The following PSMD1 variants were observed in gnomAD, a reference collection of about 807,000 sequenced individuals.
The protein encoded by PSMD1 is proteasome 26S subunit, non-ATPase 1.
Under a neutral mutation model 119.0 loss-of-function variants are expected in PSMD1, and 18 were observed. The ratio of observed to expected loss-of-function variants is 0.15; its 90% CI spans 0.10 to 0.22. PSMD1 has a LOEUF of 0.22. Among genes scored for constraint, PSMD1 ranks in the 10% least tolerant of loss-of-function variants. The pLI, the probability that PSMD1 is intolerant of heterozygous loss-of-function variation, is 1.00. For synonymous variants in PSMD1, 374 were observed against 396.6 expected (o/e 0.94, Z 0.68); for missense variants, 702 against 1,158.5 (o/e 0.61, Z 5.72).
chr2:231,108,441 T>A, intron 16 of PSMD1: 1 of 1,028,640 alleles, frequency 9.7e-7, no homozygotes, highest in Non-Finnish European at 1.5e-6. Context: ...ATTCTTTATA[T>A]AATATATTCT....
intron 19 of PSMD1, among the ~76,000 whole-genome samples, chr2:231,161,107 G>C (rs920081555): frequency 6.6e-6 from 1 of 152,036 alleles, no homozygotes; most frequent in African/African-American, 2.4e-5. Flanking sequence ...AGCTACTCGG[G>C]AGGCTAAAAG....
At chr2:231,084,430 A>G in intron 14 of PSMD1, among the ~76,000 whole-genome samples, 1 of 152,032 alleles carries the variant, frequency 6.6e-6, no homozygotes, top group East Asian at 1.9e-4. Flanking sequence ...TTATTCTTTT[A>G]TCAGAAAACA....
At chr2:231,163,553 C>A in intron 20 of PSMD1, 82 bp from the exon 21 acceptor site, 1 of 964,772 alleles carries the variant, frequency 1.0e-6, no homozygotes, top group Non-Finnish European at 1.6e-6. Context: ...TGCATTAAAA[C>A]TTTGGTCTCC....
Position 231,165,175 on chromosome 2 carries a change from C to T in PSMD1, c.2482-25C>T, listed in dbSNP as rs760591051. On this transcript the variant is annotated intron_variant, in intron 21 of 24. Coordinates refer to ENST00000308696, the MANE Select transcript of PSMD1 (RefSeq NM_002807.4). Reference sequence around the variant, plus strand: ...TTTGTATGTCAGTAAGGGATTACAACAGTTTACCCTGCTCATTTCCCCAGG... The same window carrying T: ...TTTGTATGTCAGTAAGGGATTACAATAGTTTACCCTGCTCATTTCCCCAGG... 5.7e-6 allele frequency: 9 copies of T among 1,570,736 alleles called. No individual in the cohort carries two copies. The South Asian group carries it at 9.3e-5, about 16-fold the overall frequency.
chr2:231,155,067 C>A (rs1383947523), intron 19 of PSMD1, among the ~76,000 whole-genome samples: 1 of 152,166 alleles, frequency 6.6e-6, no homozygotes, highest in Non-Finnish European at 1.5e-5. Flanking sequence ...GGTGACCTCT[C>A]AATAGGATAA....
intron 4 of PSMD1, among the ~76,000 whole-genome samples, chr2:231,065,292 TG>T (rs1695953709): frequency 1.3e-5 from 2 of 151,312 alleles, no homozygotes; most frequent in African/African-American, 4.9e-5. Flanking sequence ...TTTGTTTTTT[TG>T]TTTTTTTGTT....
At chr2:231,127,451 T>G (rs1695753658) in intron 16 of PSMD1, among the ~76,000 whole-genome samples, 2 of 152,110 alleles carry the variant, frequency 1.3e-5, no homozygotes, top group Admixed American at 6.5e-5. Flanking sequence ...GCCTCCCAGG[T>G]TCAAGCAATT....
intron 23 of PSMD1, among the ~76,000 whole-genome samples, chr2:231,168,242 A>T (rs1418478341): frequency 6.6e-6 from 1 of 152,230 alleles, no homozygotes; most frequent in African/African-American, 2.4e-5. Flanking sequence ...CCACAGTGGA[A>T]AAAAAGAATT....
chr2:231,111,148 G>A (rs576559470), intron 16 of PSMD1, among the ~76,000 whole-genome samples: 2 of 151,890 alleles, frequency 1.3e-5, no homozygotes, highest in Non-Finnish European at 2.9e-5. Context: ...CATCCCATTC[G>A]TGACCCTTCT....
intron 16 of PSMD1, among the ~76,000 whole-genome samples, chr2:231,096,950 G>T (rs567333143): frequency 6.6e-6 from 1 of 152,214 alleles, no homozygotes; most frequent in African/African-American, 2.4e-5. Context: ...ATCGAAAAAG[G>T]TTGCTTTATG....
intron 15 of PSMD1, among the ~76,000 whole-genome samples, chr2:231,085,351 G>T (rs995395724): frequency 6.6e-6 from 1 of 152,228 alleles, no homozygotes; most frequent in African/African-American, 2.4e-5. Flanking sequence ...AAGCCATTCA[G>T]GTGCAACTTC....
At chr2:231,078,262 T>C (rs1330647222) in intron 9 of PSMD1, among the ~76,000 whole-genome samples, 1 of 152,166 alleles carries the variant, frequency 6.6e-6, no homozygotes, top group Non-Finnish European at 1.5e-5. Flanking sequence ...AGCAACACTC[T>C]GTCTCAAAAA....
chr2:231,137,265 A>G (rs770014414), intron 16 of PSMD1, among the ~76,000 whole-genome samples: 55 of 151,536 alleles, frequency 3.6e-4, no homozygotes, highest in African/African-American at 1.3e-3. Flanking sequence ...GCAGTTGCCC[A>G]CCACCATGCC....
intron 16 of PSMD1, among the ~76,000 whole-genome samples, chr2:231,100,001 T>A (rs1694825363): frequency 6.6e-6 from 1 of 152,160 alleles, no homozygotes; most frequent in Admixed American, 6.5e-5. Flanking sequence ...TTTTATTTTT[T>A]ATTTTTTTCT....
chr2:231,123,487 A>G (rs375657671), intron 16 of PSMD1: 2 of 1,614,118 alleles, frequency 1.2e-6, no homozygotes, highest in Non-Finnish European at 1.7e-6. Context: ...CAAGGACATT[A>G]GAAAGTAATT....
At chr2:231,167,554 G>A (rs2125272758) in intron 23 of PSMD1, among the ~76,000 whole-genome samples, 1 of 152,078 alleles carries the variant, frequency 6.6e-6, no homozygotes, top group South Asian at 2.1e-4. Context: ...GAATCCTGTT[G>A]AAGGTATAGC....
chr2:231,156,289 G>T (rs983840189), intron 19 of PSMD1, among the ~76,000 whole-genome samples: 5 of 151,986 alleles, frequency 3.3e-5, no homozygotes, highest in African/African-American at 7.2e-5. Flanking sequence ...CCTGTTATTG[G>T]CATCTTGTGT....
intron 16 of PSMD1, among the ~76,000 whole-genome samples, chr2:231,107,349 C>T (rs1695001189): frequency 6.6e-6 from 1 of 152,144 alleles, no homozygotes; most frequent in Admixed American, 6.5e-5. Flanking sequence ...GCAATAGAGT[C>T]ATAGGTCGAG....
At chr2:231,092,931 T>A (rs749860630) in intron 16 of PSMD1, among the ~76,000 whole-genome samples, 1 of 152,212 alleles carries the variant, frequency 6.6e-6, no homozygotes, top group African/African-American at 2.4e-5. Context: ...ATTGGAACTT[T>A]TATAACTAAT....
Sources: gnomAD v4.1 joint callset for allele counts (sites outside exome capture counted in the v4.1 genomes callset) on GRCh38, gnomAD v4.1.1 for gene constraint, MANE v1.5 for transcripts, NCBI Gene and HGNC (gene_info 2026-07-23, HGNC 2026-07-21) for gene names.